The following ASB15 variants were observed in gnomAD, a reference collection of about 807,000 sequenced individuals.
ASB15 encodes ankyrin repeat and SOCS box protein 15.
Under a neutral mutation model 58.0 loss-of-function variants are expected in ASB15, and 54 were observed. The observed-to-expected ratio is 0.93, with a 90% CI of 0.75 to 1.17. ASB15 has a LOEUF of 1.17. Ranked by LOEUF, ASB15 falls within the 50% of genes most tolerant of loss-of-function variation. The pLI is 0.00. For synonymous variants in ASB15, 249 were observed against 262.4 expected, an observed-to-expected ratio of 0.95 and a Z score of 0.50; for missense variants, 680 against 707.4, an observed-to-expected ratio of 0.96 and a Z score of 0.44.
chr7:123,603,555 A>T (rs1361292630), intron 1 of ASB15, among the ~76,000 whole-genome samples: 2 of 151,964 alleles, frequency 1.3e-5, no homozygotes, highest in Non-Finnish European at 2.9e-5. Flanking sequence ...AAAATAATGG[A>T]TCAATGTCAA....
At chr7:123,575,668 G>A (rs1238810391) in intron 1 of ASB15, among the ~76,000 whole-genome samples, 1 of 151,646 alleles carries the variant, frequency 6.6e-6, no homozygotes, top group African/African-American at 2.4e-5. Context: ...CTTTATCTTT[G>A]AAGGACAGCT....
intron 11 of ASB15, among the ~76,000 whole-genome samples, chr7:123,636,160 T>A (rs1266689469): frequency 6.6e-6 from 1 of 152,206 alleles, no homozygotes; most frequent in African/African-American, 2.4e-5. Flanking sequence ...TAATCCAAGC[T>A]GACCAGGTCC....
At chr7:123,614,392 A>C in intron 3 of ASB15, 109 bp from the exon 4 acceptor site, 1 of 670,938 alleles carries the variant, frequency 1.5e-6, no homozygotes, top group Non-Finnish European at 2.6e-6. Context: ...AACTAGGGAA[A>C]GGAAAATGCA....
chr7:123,620,523 TA>T (rs1801187769), intron 7 of ASB15, among the ~76,000 whole-genome samples: 1 of 13,500 alleles, frequency 7.4e-5, no homozygotes, highest in African/African-American at 2.7e-4. Flanking sequence ...TATATATATA[TA>T]TATATATATA....
intron 1 of ASB15, among the ~76,000 whole-genome samples, chr7:123,590,440 C>A (rs1002661937): frequency 1.3e-5 from 2 of 151,856 alleles, no homozygotes; most frequent in African/African-American, 4.8e-5. Flanking sequence ...TCTTCTAGGG[C>A]TTTTATGGTT....
chr7:123,590,175 T>C (rs1011894933), intron 1 of ASB15, among the ~76,000 whole-genome samples: 1 of 152,184 alleles, frequency 6.6e-6, no homozygotes, highest in Non-Finnish European at 1.5e-5. Flanking sequence ...TTGTTTGTTT[T>C]TTTTCCTGTA....
chr7:123,581,735 A>G (rs1391882307), intron 1 of ASB15, among the ~76,000 whole-genome samples: 1 of 151,884 alleles, frequency 6.6e-6, no homozygotes, highest in Non-Finnish European at 1.5e-5. Context: ...AGGCTGTAAC[A>G]TGAAAATTTT....
upstream of ASB15, among the ~76,000 whole-genome samples, chr7:123,600,620 A>G (rs1273661243): frequency 1.3e-5 from 2 of 152,248 alleles, no homozygotes; most frequent in African/African-American, 2.4e-5. Flanking sequence ...AATGTATGCA[A>G]TGATCTAACT....
rs74392875 is a variant in ASB15, at chr7:123,625,243, G to A, written c.697+429G>A. ...CCAATCAGTTGCAAATTCTTGTAGC[G>A]TTTCTCTTGTCCTCTCATTGCAATC... On this transcript the variant is annotated intron_variant, in intron 8 of 11. Coordinates refer to ENST00000451215, the MANE Select transcript of ASB15 (RefSeq NM_001290258.2). 1.6e-3 allele frequency among the ~76,000 whole-genome samples: 248 copies of A among 152,184 alleles called. 2 individuals are homozygous for A. Among genetic ancestry groups the A allele is most frequent in the Middle Eastern group, 6.8e-3 (2 of 294 alleles).
In ASB15 at chr7:123,624,833, C is replaced by T; in HGVS notation, c.697+19C>T. On this transcript the variant is annotated intron_variant, in intron 8 of 11. Coordinates refer to ENST00000451215, the MANE Select transcript of ASB15 (RefSeq NM_001290258.2). ...CACAAAGGTATGTGAAAAGGAGTTA[C>T]ACTTCCTGACTTTTGTCCTGCCTCT... 3 of 1,606,896 alleles carry T rather than the reference C, an allele frequency of 1.9e-6. No homozygotes were observed. Among genetic ancestry groups the T allele is most frequent in the Non-Finnish European group, 8.5e-7 (1 of 1,175,730 alleles).
intron 1 of ASB15, among the ~76,000 whole-genome samples, chr7:123,573,395 A>T (rs547819334): frequency 4.7e-5 from 7 of 149,318 alleles, no homozygotes; most frequent in Admixed American, 3.4e-4. Context: ...TTGTCTGTGC[A>T]TTTTGCCTAG....
At chr7:123,633,642 C>T (rs1802254463) in intron 11 of ASB15, among the ~76,000 whole-genome samples, 1 of 152,208 alleles carries the variant, frequency 6.6e-6, no homozygotes, top group Middle Eastern at 3.4e-3. Context: ...TGCACGCGCG[C>T]GCACGTGCGT....
intron 9 of ASB15, 55 bp from the exon 10 acceptor site, chr7:123,628,809 A>C: frequency 8.1e-7 from 1 of 1,238,332 alleles, no homozygotes; most frequent in Non-Finnish European, 1.1e-6. Context: ...ACGGTAGTTT[A>C]TTTAATTTCT....
intron 7 of ASB15, among the ~76,000 whole-genome samples, chr7:123,618,695 G>T (rs778822866): frequency 2.6e-5 from 4 of 151,880 alleles, no homozygotes; most frequent in African/African-American, 4.8e-5. Context: ...GACGTTAAAG[G>T]TCATAACTAG....
At chr7:123,572,381 C>T (rs1249562925) in intron 1 of ASB15, among the ~76,000 whole-genome samples, 4 of 151,584 alleles carry the variant, frequency 2.6e-5, no homozygotes, top group African/African-American at 9.7e-5. Flanking sequence ...CCTCATGATC[C>T]GCCCGCCTCA....
At chr7:123,578,795 A>T (rs1051094983) in intron 1 of ASB15, among the ~76,000 whole-genome samples, 8 of 152,140 alleles carry the variant, frequency 5.3e-5, no homozygotes, top group African/African-American at 1.9e-4. Context: ...CTATCTTTAA[A>T]CTATTTTATA....
chr7:123,624,535 A>G (rs756550709), intron 7 of ASB15, 34 bp from the exon 8 acceptor site: 3 of 1,584,636 alleles, frequency 1.9e-6, no homozygotes, highest in Non-Finnish European at 1.7e-6. Context: ...TTGTGTTAAT[A>G]TACTTACTGT....
intron 1 of ASB15, among the ~76,000 whole-genome samples, chr7:123,578,958 T>C (rs188016179): frequency 6.0e-4 from 92 of 152,210 alleles, no homozygotes; most frequent in African/African-American, 2.2e-3. Context: ...GTTTGTTACA[T>C]GGATATTGTA....
chr7:123,597,917 C>CGTGTGTGTGT (rs61508655), upstream of ASB15, among the ~76,000 whole-genome samples: 292 of 133,068 alleles, frequency 2.2e-3, 1 homozygote, highest in Middle Eastern at 4.0e-3. Flanking sequence ...TTTCAAACTT[C>CGTGTGTGTGT]GTGTGTGTGT....
Sources: allele counts gnomAD v4.1 joint callset (sites outside exome capture counted in the v4.1 genomes callset), GRCh38; gene constraint gnomAD v4.1.1; transcripts MANE v1.5; gene names NCBI Gene and HGNC (gene_info 2026-07-23, HGNC 2026-07-21).